FAM110B: variants seen among roughly 807,000 people sequenced by gnomAD.
The protein encoded by FAM110B is protein FAM110B.
A neutral mutation model predicts 20.4 loss-of-function variants in FAM110B; 6 were observed. That is an observed-to-expected ratio of 0.29 (90% CI 0.16 to 0.58). The LOEUF (loss-of-function observed/expected upper bound fraction) is 0.58. Ranked by LOEUF, FAM110B falls within the 20% of genes least tolerant of loss-of-function variation. The pLI, the probability that FAM110B is intolerant of heterozygous loss-of-function variation, is 0.90. For synonymous variants in FAM110B, 226 were observed against 214.1 expected, an observed-to-expected ratio of 1.06 and a Z score of -0.49; for missense variants, 434 against 498.2, an observed-to-expected ratio of 0.87 and a Z score of 1.23.
intron 1 of FAM110B, among the ~76,000 whole-genome samples, chr8:58,006,924 T>TATATATATATATATATA (rs6150600): frequency 1.0e-3 from 116 of 110,894 alleles, no homozygotes; most frequent in East Asian, 3.1e-3. Flanking sequence ...TATATATATA[T>TATATATATATATATATA]TTTTCCAAAA....
At chr8:58,116,129 G>A (rs370798845) in intron 3 of FAM110B, among the ~76,000 whole-genome samples, 8 of 152,126 alleles carry the variant, frequency 5.3e-5, no homozygotes, top group African/African-American at 1.4e-4. Flanking sequence ...GTAACCAATT[G>A]GCTGTACTTT....
At chr8:58,103,713 A>ATTCAAGTGAAC (rs1563371309) in intron 3 of FAM110B, among the ~76,000 whole-genome samples, 1 of 152,190 alleles carries the variant, frequency 6.6e-6, no homozygotes, top group Non-Finnish European at 1.5e-5. Context: ...ATGAATAAGG[A>ATTCAAGTGAAC]TTCAAGTGAA....
chr8:58,048,895 C>G (rs1805383899), intron 2 of FAM110B, among the ~76,000 whole-genome samples: 1 of 152,082 alleles, frequency 6.6e-6, no homozygotes, highest in Non-Finnish European at 1.5e-5. Context: ...CATAGCTCAT[C>G]CTTTTAAAAA....
intron 2 of FAM110B, among the ~76,000 whole-genome samples, chr8:58,041,771 A>G (rs1305835807): frequency 2.0e-5 from 3 of 152,248 alleles, no homozygotes; most frequent in African/African-American, 7.2e-5. Flanking sequence ...ACCATCTGCT[A>G]AGTAAGGACT....
chr8:58,043,437 T>G (rs955646053), intron 2 of FAM110B: 1 of 151,504 alleles, frequency 6.6e-6, no homozygotes, highest in African/African-American at 2.4e-5. Context: ...TTCTTTTTAT[T>G]TATTTATTTT....
chr8:58,077,099 C>T (rs1362595392), intron 3 of FAM110B: 3 of 152,160 alleles, frequency 2.0e-5, no homozygotes, highest in Admixed American at 6.6e-5. Context: ...TCACTCTTAT[C>T]GCCATCTTAC....
chr8:58,006,416 G>C (rs1455739282), intron 1 of FAM110B, among the ~76,000 whole-genome samples: 1 of 152,112 alleles, frequency 6.6e-6, no homozygotes, highest in Non-Finnish European at 1.5e-5. Context: ...TGACAGTAGT[G>C]GGTGGCCATG....
chr8:58,033,755 T>TA (rs143202893), intron 2 of FAM110B, among the ~76,000 whole-genome samples: 3 of 151,392 alleles, frequency 2.0e-5, no homozygotes, highest in East Asian at 1.9e-4. Flanking sequence ...ATTAAAAAGT[T>TA]AAAAAAAAAT....
At chr8:58,070,810 G>A (rs1228944691) in intron 2 of FAM110B, among the ~76,000 whole-genome samples, 1 of 152,224 alleles carries the variant, frequency 6.6e-6, no homozygotes, top group East Asian at 1.9e-4. Context: ...CTTTCCTGAT[G>A]TTGAAGCTGT....
intron 2 of FAM110B, among the ~76,000 whole-genome samples, chr8:58,066,424 G>A (rs1447243435): frequency 6.6e-6 from 1 of 152,214 alleles, no homozygotes; most frequent in Non-Finnish European, 1.5e-5. Context: ...TGGAGGAGCT[G>A]GGGCCAGGGC....
At position 58,084,637 on chromosome 8, in the gene FAM110B, C is replaced by T. The variant is rs143845455; in HGVS notation, c.-325+9014C>T. Among the ~76,000 whole-genome samples the T allele has an allele frequency of 6.4e-3, 979 of 152,262 alleles. 3 individuals carry two copies. Among genetic ancestry groups the T allele is most frequent in the South Asian group, 0.011 (54 of 4,822 alleles). On this transcript the variant is annotated intron_variant, in intron 3 of 3. Coordinates refer to ENST00000519262, the MANE Select transcript of FAM110B (RefSeq NM_001377989.1). Reference sequence around the variant, plus strand: ...TCTCTTGACCGTGTGATGCTCCCACCTCAGGCGCTCAAAGTGCTGGGATTA... The same window carrying T: ...TCTCTTGACCGTGTGATGCTCCCACTTCAGGCGCTCAAAGTGCTGGGATTA...
At chr8:58,021,565 A>G (rs997223066) in intron 1 of FAM110B, among the ~76,000 whole-genome samples, 1 of 152,086 alleles carries the variant, frequency 6.6e-6, no homozygotes, top group African/African-American at 2.4e-5. Context: ...TGTTAAATAT[A>G]TTGTCATTTA....
intron 1 of FAM110B, among the ~76,000 whole-genome samples, chr8:58,016,914 G>A (rs1804649692): frequency 6.6e-6 from 1 of 152,196 alleles, no homozygotes; most frequent in Non-Finnish European, 1.5e-5. Flanking sequence ...AGGTGAAGGA[G>A]TAGGCTGGAA....
intron 1 of FAM110B, among the ~76,000 whole-genome samples, chr8:58,014,468 A>G (rs1383627683): frequency 6.6e-6 from 1 of 152,134 alleles, no homozygotes; most frequent in Non-Finnish European, 1.5e-5. Flanking sequence ...CTCATCTGAA[A>G]AGTGTGTAGT....
chr8:58,013,752 AC>A (rs2150566765), intron 1 of FAM110B, among the ~76,000 whole-genome samples: 1 of 152,112 alleles, frequency 6.6e-6, no homozygotes, highest in African/African-American at 2.4e-5. Context: ...CACCTTTTTT[AC>A]TTCTCATTTT....
chr8:58,061,159 A>T (rs1326232467), intron 2 of FAM110B, among the ~76,000 whole-genome samples: 10 of 152,214 alleles, frequency 6.6e-5, no homozygotes, highest in Non-Finnish European at 2.9e-5. Context: ...TGTGAAGATC[A>T]TGCTTACCCT....
At chr8:58,132,553 G>A (rs541380192) in intron 3 of FAM110B, among the ~76,000 whole-genome samples, 4 of 152,128 alleles carry the variant, frequency 2.6e-5, no homozygotes, top group Admixed American at 6.5e-5. Context: ...CTCACTGACC[G>A]CAGGCAAGTC....
At chr8:58,111,322 C>T (rs537177246) in intron 3 of FAM110B, among the ~76,000 whole-genome samples, 1 of 152,138 alleles carries the variant, frequency 6.6e-6, no homozygotes, top group South Asian at 2.1e-4. Flanking sequence ...TCACTCATAC[C>T]TTATTTTTGG....
chr8:58,001,035 T>C (rs1175123445), intron 1 of FAM110B, among the ~76,000 whole-genome samples: 1 of 152,226 alleles, frequency 6.6e-6, no homozygotes, highest in Non-Finnish European at 1.5e-5. Context: ...TGTTCCAACC[T>C]GCAACATGCA....
Sources: allele counts gnomAD v4.1 joint callset (sites outside exome capture counted in the v4.1 genomes callset), GRCh38; gene constraint gnomAD v4.1.1; transcripts MANE v1.5; gene names NCBI Gene and HGNC (gene_info 2026-07-23, HGNC 2026-07-21).